AGBL1: variants seen among roughly 807,000 people sequenced by gnomAD.
The protein encoded by AGBL1 is cytosolic carboxypeptidase 4.
In AGBL1, 130 loss-of-function variants were observed where a neutral mutation model predicts 118.9. The observed-to-expected ratio is 1.09, with a 90% confidence interval of 0.95 to 1.26. The LOEUF (loss-of-function observed/expected upper bound fraction) is 1.26. Ranked by LOEUF, AGBL1 falls within the 50% of genes most tolerant of loss-of-function variation. The pLI is 0.00. For missense variants in AGBL1, 1,584 were observed against 1,298.1 expected, an observed-to-expected ratio of 1.22 and a Z score of -3.38; for synonymous variants, 555 against 478.9, an observed-to-expected ratio of 1.16 and a Z score of -2.08.
intron 6 of AGBL1, among the ~76,000 whole-genome samples, chr15:86,238,076 G>C (rs1478775971): frequency 6.6e-6 from 1 of 152,120 alleles, no homozygotes; most frequent in Non-Finnish European, 1.5e-5. Context: ...CTCCTCAAGG[G>C]TCTTCCCTGA....
intron 23 of AGBL1, among the ~76,000 whole-genome samples, chr15:86,973,482 G>A (rs1007552132): frequency 6.6e-6 from 1 of 151,862 alleles, no homozygotes. Context: ...CCTCTTCAGG[G>A]AACTAGTTCC....
chr15:86,166,699 G>C (rs1216394677), intron 5 of AGBL1, among the ~76,000 whole-genome samples: 1 of 152,142 alleles, frequency 6.6e-6, no homozygotes, highest in East Asian at 1.9e-4. Flanking sequence ...TTGGACTGGT[G>C]AGCAGATCTT....
At chr15:86,906,704 G>T (rs1203458536) in intron 22 of AGBL1, among the ~76,000 whole-genome samples, 1 of 152,070 alleles carries the variant, frequency 6.6e-6, no homozygotes, top group African/African-American at 2.4e-5. Flanking sequence ...AAACTACTTT[G>T]AAAAATTCTA....
chr15:86,081,007 C>G (rs1461970339), intron 1 of AGBL1, among the ~76,000 whole-genome samples: 1 of 152,070 alleles, frequency 6.6e-6, no homozygotes, highest in Admixed American at 6.5e-5. Context: ...TCCTTTTTCC[C>G]TGTTGGGAAA....
chr15:86,727,078 A>T (rs932336746), intron 22 of AGBL1, among the ~76,000 whole-genome samples: 4 of 152,204 alleles, frequency 2.6e-5, no homozygotes, highest in African/African-American at 7.2e-5. Context: ...AAGGAAATGG[A>T]AAAGAAAGTG....
chr15:86,491,367 C>A (rs1396432207), intron 18 of AGBL1, among the ~76,000 whole-genome samples: 1 of 152,056 alleles, frequency 6.6e-6, no homozygotes, highest in Non-Finnish European at 1.5e-5. Flanking sequence ...GCTGGAGGTG[C>A]ATGTGAGGAC....
chr15:86,713,141 C>T (rs1174543571), intron 22 of AGBL1, among the ~76,000 whole-genome samples: 1 of 152,130 alleles, frequency 6.6e-6, no homozygotes, highest in Non-Finnish European at 1.5e-5. Context: ...CTTATTTTTG[C>T]CCTTTCCCTT....
intron 21 of AGBL1, among the ~76,000 whole-genome samples, chr15:86,577,146 A>T (rs537229310): frequency 6.6e-6 from 1 of 152,330 alleles, no homozygotes; most frequent in East Asian, 1.9e-4. Flanking sequence ...CTTGTTGAAT[A>T]GGTTTGCCCA....
chr15:86,136,865 A>G (rs1164404631), intron 1 of AGBL1, among the ~76,000 whole-genome samples: 1 of 152,196 alleles, frequency 6.6e-6, no homozygotes, highest in Non-Finnish European at 1.5e-5. Flanking sequence ...TTGCAGTTCA[A>G]AACCCCACAG....
chr15:86,756,301 A>G lies in AGBL1; in HGVS notation c.3158+81865A>G, dbSNP rs982897441. Among the ~76,000 whole-genome samples the G allele has an allele frequency of 2.6e-5, 4 of 152,030 alleles. No homozygotes were observed. The East Asian group carries it at 7.7e-4, about 29-fold the overall frequency. On this transcript the variant is annotated intron_variant, in intron 22 of 22. Transcript: ENST00000614907. ...TTTCTCAGAAAAATTTCAGATTCCAAGTGAAGTTTGCTATGTAATCTTCAA... is the reference window on the plus strand; with the variant it reads ...TTTCTCAGAAAAATTTCAGATTCCAGGTGAAGTTTGCTATGTAATCTTCAA...
At chr15:86,677,967 A>C (rs1183838919) in intron 22 of AGBL1, among the ~76,000 whole-genome samples, 3 of 152,140 alleles carry the variant, frequency 2.0e-5, no homozygotes, top group Admixed American at 6.6e-5. Flanking sequence ...AAATATCCTA[A>C]ATTATTTTTC....
chr15:86,294,956 C>G (rs1439526217), intron 16 of AGBL1, among the ~76,000 whole-genome samples: 1 of 152,150 alleles, frequency 6.6e-6, no homozygotes, highest in Non-Finnish European at 1.5e-5. Context: ...CCTCGTATGT[C>G]ACAGCGATAG....
intron 17 of AGBL1, among the ~76,000 whole-genome samples, chr15:86,389,698 T>C (rs1258298681): frequency 3.9e-5 from 6 of 152,144 alleles, no homozygotes; most frequent in African/African-American, 1.4e-4. Flanking sequence ...TAAAATATAG[T>C]AGATTATATT....
At chr15:86,388,017 A>T (rs1232020776) in intron 17 of AGBL1, among the ~76,000 whole-genome samples, 2 of 152,134 alleles carry the variant, frequency 1.3e-5, no homozygotes, top group Non-Finnish European at 2.9e-5. Flanking sequence ...GAAGAAGAAC[A>T]ATTTCTGGTG....
intron 19 of AGBL1, among the ~76,000 whole-genome samples, chr15:86,542,179 G>A (rs2083507819): frequency 6.6e-6 from 1 of 152,144 alleles, no homozygotes; most frequent in South Asian, 2.1e-4. Context: ...ATGTAGGGGA[G>A]AGTATGCAAA....
chr15:86,343,219 G>C (rs1187042752), intron 17 of AGBL1, among the ~76,000 whole-genome samples: 1 of 152,120 alleles, frequency 6.6e-6, no homozygotes, highest in Non-Finnish European at 1.5e-5. Flanking sequence ...GCTTTGATTG[G>C]GTTTGGCCAA....
intron 18 of AGBL1, among the ~76,000 whole-genome samples, chr15:86,472,370 C>G (rs1041113782): frequency 6.6e-6 from 1 of 152,158 alleles, no homozygotes; most frequent in Non-Finnish European, 1.5e-5. Flanking sequence ...GATATCCTCT[C>G]CGACATCTGA....
rs542723617 is a variant in AGBL1 at position 86,247,778 on chromosome 15, C to A, written c.634C>A (p.Arg212=). Residue 212 remains arginine, a synonymous_variant, in exon 7 of 23, where the codon CGG becomes AGG. Coordinates refer to ENST00000614907, the MANE Select transcript of AGBL1 (RefSeq NM_001386094.1). Reference sequence around the variant, plus strand: ...AGCCAACGCCTACGTGCAGATCCGACGGGGCTTGCTGCTCTGCCTCAGGCA... The same window carrying A: ...AGCCAACGCCTACGTGCAGATCCGAAGGGGCTTGCTGCTCTGCCTCAGGCA... The part of the protein sequence containing the change: ...DTANAYVQIR[R]GLLLCLRHIA... 2 of 1,613,808 alleles carry A rather than the reference C, an allele frequency of 1.2e-6. No individual in the cohort carries two copies. The highest frequency in any genetic ancestry group is 1.3e-5 in the African/African-American group (1 of 74,926).
At chr15:86,956,954 G>A (rs2080937645) in intron 23 of AGBL1, among the ~76,000 whole-genome samples, 3 of 151,952 alleles carry the variant, frequency 2.0e-5, no homozygotes, top group Admixed American at 2.0e-4. Context: ...AATTAAAACG[G>A]TATAGATTGT....
Sources: allele counts gnomAD v4.1 joint callset (sites outside exome capture counted in the v4.1 genomes callset), GRCh38; gene constraint gnomAD v4.1.1; transcripts MANE v1.5; gene names NCBI Gene and HGNC (gene_info 2026-07-23, HGNC 2026-07-21).